Variants in MTIF2 observed in about 807,000 individuals in gnomAD.
MTIF2 encodes translation initiation factor IF-2, mitochondrial.
MTIF2 carries 71 observed loss-of-function variants against 83.5 expected under a neutral mutation model. The observed-to-expected ratio is 0.85, with a 90% CI of 0.70 to 1.04. The LOEUF (loss-of-function observed/expected upper bound fraction) is 1.04, where lower values mean the gene tolerates loss of function less well. Ranked by LOEUF, MTIF2 falls within the 50% of genes least tolerant of loss-of-function variation. The pLI, the probability that MTIF2 is intolerant of heterozygous loss-of-function variation, is 0.00. For missense variants in MTIF2, 957 were observed against 846.5 expected, an observed-to-expected ratio of 1.13 and a Z score of -1.62; for synonymous variants, 319 against 287.1, an observed-to-expected ratio of 1.11 and a Z score of -1.12.
intron 10 of MTIF2, among the ~76,000 whole-genome samples, chr2:55,244,826 C>G (rs1049966771): frequency 3.9e-5 from 6 of 152,098 alleles, no homozygotes; most frequent in African/African-American, 1.4e-4. Flanking sequence ...GCAGGTAGAT[C>G]ACCTGAGGTC....
Position 55,236,653 on chromosome 2 carries a change from A to C in MTIF2, c.2179T>G (p.Phe727Val), listed in dbSNP as rs559634710. The C allele has an allele frequency of 6.3e-7, 1 of 1,586,284 alleles. No homozygotes were observed. Among genetic ancestry groups the C allele is most frequent in the East Asian group, 2.3e-5 (1 of 44,312 alleles). The change falls in exon 16 of 16, where the codon TTT becomes GTT. Residue 727 changes from phenylalanine to valine, a missense_variant. Transcript: ENST00000263629. Reference sequence around the variant, plus strand: ...TTTACATTTTTAATGTAATTTTAAAATCCTGGATCCCAAGAAGTCTTGGCT... The same window carrying C: ...TTTACATTTTTAATGTAATTTTAAACTCCTGGATCCCAAGAAGTCTTGGCT... ...IQAKTSWDPG[F>V]
Position 55,236,600 on chromosome 2 carries a change from A to G in MTIF2, c.*48T>C, listed in dbSNP as rs748272635. 4.4e-5 allele frequency: 66 copies of G among 1,504,878 alleles called. No individual in the cohort carries two copies. The highest frequency in any genetic ancestry group is 1.3e-4 in the Admixed American group (6 of 44,746). 93.2% of individuals were successfully genotyped at this position (1,504,878 alleles called of 1,614,324 possible). ...TTTTGGCCAGTAGTAGTGCATTTCT[A>G]CCTTCAAACAAACAACACGTTGAGT... On this transcript the variant is annotated 3_prime_UTR_variant, in exon 16 of 16. Transcript: ENST00000263629.
At position 55,249,492 on chromosome 2, in the gene MTIF2, G is replaced by C; in HGVS notation, c.884C>G (p.Ala295Gly). 6.2e-7 allele frequency: 1 copy of C among 1,614,074 alleles called. No individual in the cohort carries two copies. ...CTCTTTTTTCACTTTCTCAGGATCA[G>C]CCTCAGCTTTGTCACATTTATTTAC... is the stretch of plus-strand genomic sequence containing the variant. ...LAVNKCDKAE[A>G]DPEKVKKELL... Residue 295 changes from alanine to glycine, a missense_variant, in exon 9 of 16, where the codon GCT becomes GGT. Around this residue, in one of 3 missense-constraint regions of MTIF2, gnomAD observed 733 missense variants for 648.7 expected, o/e 1.13. Transcript: ENST00000263629.
chr2:55,244,261 A>C (rs773411481), intron 10 of MTIF2, 28 bp from the exon 11 acceptor site: 3 of 1,524,598 alleles, frequency 2.0e-6, no homozygotes, highest in South Asian at 2.3e-5. Flanking sequence ...GTATATTTTC[A>C]ATGTCATAAT....
chr2:55,261,161 T>TG (rs1486212980), intron 5 of MTIF2, among the ~76,000 whole-genome samples: 1 of 151,686 alleles, frequency 6.6e-6, no homozygotes, highest in Non-Finnish European at 1.5e-5. Context: ...TAATTTTTTT[T>TG]GTATTTTTAG....
rs767198052 is a variant in MTIF2, at chr2:55,240,012, T to C, written c.1869A>G (p.Val623=). ...RLPCAVEEHP[V]GEASILATFS... is the part of the protein sequence containing the mutation. ...AAGTAACATTCAGTGATCACTCACC[T>C]ACTGGGTGCTCTTCCACAGCACAGG... The change falls in exon 14 of 16, where the codon GTA becomes GTG. Residue 623 remains valine, a splice_region_variant and synonymous_variant. Transcript: ENST00000263629. 8.1e-6 allele frequency: 13 copies of C among 1,605,888 alleles called. No homozygotes were observed. The highest frequency in any genetic ancestry group is 9.4e-6 in the Non-Finnish European group (11 of 1,175,206).
intron 12 of MTIF2, 28 bp downstream of exon 12, chr2:55,243,388 C>T (rs1676463105): frequency 6.5e-7 from 1 of 1,548,854 alleles, no homozygotes; most frequent in East Asian, 2.3e-5. Flanking sequence ...AAAGAATGAA[C>T]TGTAATGTAA....
At position 55,263,655 on chromosome 2, in the gene MTIF2, A is replaced by C; in HGVS notation, c.204T>G (p.Leu68=). ...CTGTAACTACCTTTTTTGTTACTAG[A>C]AGCCTATACTGAGATAAAGCAGCCC... ...LTGAALSQYR[L]LVTKKEEGPW... Residue 68 remains leucine, a synonymous_variant, in exon 4 of 16, where the codon CTT becomes CTG. Transcript: ENST00000263629. 1 of 1,601,532 alleles carries C rather than the reference A, an allele frequency of 6.2e-7. No individual in the cohort carries two copies. Among genetic ancestry groups the C allele is most frequent in the South Asian group, 1.1e-5 (1 of 87,546 alleles).
At position 55,246,387 on chromosome 2, in the gene MTIF2, A is replaced by C. The variant is rs1441213920; in HGVS notation, c.1056T>G (p.Asn352Lys). Residue 352 changes from asparagine to lysine, a missense_variant, in exon 10 of 16, where the codon AAT (asparagine) becomes AAG (lysine). Coordinates refer to ENST00000263629, the MANE Select transcript of MTIF2 (RefSeq NM_002453.3). ...AEMLELKADP[N>K]GPVEGTVIES... ...CTATTACTGTTCCTTCCACTGGACC[A>C]TTGGGATCTGCTTTCAATTCTAACA... The C allele has an allele frequency of 1.2e-6, 2 of 1,613,806 alleles. No individual in the cohort carries two copies. Among genetic ancestry groups the C allele is most frequent in the Non-Finnish European group, 1.7e-6 (2 of 1,179,870 alleles).
chr2:55,253,965 A>G, intron 7 of MTIF2, 76 bp downstream of exon 7: 1 of 1,472,520 alleles, frequency 6.8e-7, no homozygotes, highest in South Asian at 1.3e-5. Flanking sequence ...GAATTTGTAT[A>G]TTTCATACTA....
intron 5 of MTIF2, among the ~76,000 whole-genome samples, chr2:55,257,902 A>C (rs942191223): frequency 9.9e-5 from 15 of 152,060 alleles, no homozygotes; most frequent in African/African-American, 2.9e-4. Flanking sequence ...CAGTCCTCCC[A>C]CCTCAGCCTC....
Position 55,263,702 on chromosome 2 carries a change from A to G in MTIF2, c.157T>C (p.Trp53Arg). ...GCCCCAGTGAGCACATCTGTTGGCCAGGGCCAGGCACACAGTTGAGCTGTC... is the reference window on the plus strand; with the variant it reads ...GCCCCAGTGAGCACATCTGTTGGCCGGGGCCAGGCACACAGTTGAGCTGTC... ...VWTAQLCAWP[W>R]PTDVLTGAAL... Residue 53 changes from tryptophan (W) to arginine (R), a missense_variant, in exon 4 of 16, where the codon TGG (tryptophan) becomes CGG (arginine). Trp to Arg is a moderately radical substitution (Grantham distance 101). This residue lies in a region of MTIF2 where 733 missense variants were observed against 648.7 expected (regional missense o/e 1.13). Transcript: ENST00000263629. The G allele has an allele frequency of 6.2e-7, 1 of 1,614,066 alleles. No individual in the cohort carries two copies. Among genetic ancestry groups the G allele is most frequent in the Non-Finnish European group, 8.5e-7 (1 of 1,179,986 alleles).
At chr2:55,239,825 C>T (rs546638554) in intron 14 of MTIF2, among the ~76,000 whole-genome samples, 186 bp downstream of exon 14, 10 of 152,286 alleles carry the variant, frequency 6.6e-5, no homozygotes, top group African/African-American at 2.4e-4. Flanking sequence ...GGCACAGGCA[C>T]AATGTGTTAC....
chr2:55,246,234 C>A, intron 10 of MTIF2, 103 bp downstream of exon 10: 2 of 1,219,652 alleles, frequency 1.6e-6, no homozygotes, highest in East Asian at 4.9e-5. Context: ...AAATATTGTT[C>A]ATGAACTAAC....
At chr2:55,244,559 G>A (rs1055367039) in intron 10 of MTIF2, among the ~76,000 whole-genome samples, 2 of 152,100 alleles carry the variant, frequency 1.3e-5, no homozygotes, top group Non-Finnish European at 2.9e-5. Flanking sequence ...AAAGACAAAT[G>A]GACATTTCTT....
rs189209598 is a variant in MTIF2, at chr2:55,254,059, G to C, written c.646C>G (p.His216Asp). 1.6e-5 allele frequency: 26 copies of C among 1,614,154 alleles called. No homozygotes were observed. The highest frequency in any genetic ancestry group is 2.2e-5 in the Non-Finnish European group (26 of 1,180,022). Residue 216 changes from histidine to aspartate, a missense_variant, in exon 7 of 16, where the codon CAC (histidine) becomes GAC (aspartate). By Grantham distance (81) the His-to-Asp change is moderately conservative. Coordinates refer to ENST00000263629, the MANE Select transcript of MTIF2 (RefSeq NM_002453.3). Reference protein sequence around the residue: ...AAVETGGITQHIGAFLVSLPS... With the variant: ...AAVETGGITQDIGAFLVSLPS... ...TTCATACCAAGAAAGGCACCAATGT[G>C]CTGAGTGATGCCTCCAGTTTCCACT...
chr2:55,262,831 C>T (rs184153557), intron 4 of MTIF2, among the ~76,000 whole-genome samples: 156 of 152,210 alleles, frequency 1.0e-3, no homozygotes, highest in African/African-American at 3.6e-3. Context: ...CAGGTTCAAG[C>T]GCTTCTCCTG....
At chr2:55,262,200 A>G (rs1250532085) in intron 5 of MTIF2, 116 bp downstream of exon 5, 1 of 739,958 alleles carries the variant, frequency 1.4e-6, no homozygotes, top group South Asian at 1.6e-5. Context: ...ATGACTTAAT[A>G]TATTTTTTAA....
intron 13 of MTIF2, among the ~76,000 whole-genome samples, chr2:55,240,689 G>A (rs201440582): frequency 4.0e-5 from 6 of 151,418 alleles, no homozygotes; most frequent in Admixed American, 6.6e-5. Context: ...ATTGTGGCTT[G>A]TTTAACAAAG....
Sources: gnomAD v4.1 joint callset for allele counts (sites outside exome capture counted in the v4.1 genomes callset) on GRCh38, gnomAD v4.1.1 for gene constraint, gnomAD v4.1.1 regional missense constraint, MANE v1.5 for transcripts, NCBI Gene and HGNC (gene_info 2026-07-23, HGNC 2026-07-21) for gene names.